OR9Q1: variants seen among roughly 807,000 people sequenced by gnomAD.
OR9Q1 encodes olfactory receptor family 9 subfamily Q member 1.
For synonymous variants in OR9Q1, 153 were observed against 148.6 expected (o/e 1.03, Z -0.22); for missense variants, 374 against 378.8 (o/e 0.99, Z 0.11).
intron 1 of OR9Q1, among the ~76,000 whole-genome samples, chr11:58,037,033 AAAAAG>A (rs1178292823): frequency 1.3e-5 from 2 of 152,178 alleles, no homozygotes; most frequent in African/African-American, 4.8e-5. Flanking sequence ...AATTTTTCAC[AAAAAG>A]AAGAGTCAAT....
intron 2 of OR9Q1, among the ~76,000 whole-genome samples, chr11:58,130,955 T>C (rs1253198784): frequency 6.6e-6 from 1 of 152,140 alleles, no homozygotes; most frequent in Non-Finnish European, 1.5e-5. Flanking sequence ...TCTATAAAAA[T>C]CTATAATCAT....
chr11:58,048,496 CAAAA>C (rs11335783), intron 1 of OR9Q1, among the ~76,000 whole-genome samples: 2 of 123,466 alleles, frequency 1.6e-5, no homozygotes, highest in African/African-American at 6.1e-5. Context: ...ACTAAAAATA[CAAAA>C]AAAAAAAAAA....
chr11:58,132,047 T>A (rs559118654), intron 2 of OR9Q1, among the ~76,000 whole-genome samples: 1 of 152,314 alleles, frequency 6.6e-6, no homozygotes, highest in African/African-American at 2.4e-5. Flanking sequence ...ATGTATCATC[T>A]TCTTCAACTT....
Position 58,089,593 on chromosome 11 carries a change from C to A in OR9Q1, c.-15+33646C>A, listed in dbSNP as rs373374175. ...TTTGAAGTCAGGCAGCATGATGCCTCCAGATTTGTTCTTTTTGCTTAGGAT... is the reference window on the plus strand; with the variant it reads ...TTTGAAGTCAGGCAGCATGATGCCTACAGATTTGTTCTTTTTGCTTAGGAT... On this transcript the variant is annotated intron_variant, in intron 2 of 2. Coordinates refer to ENST00000335397, the MANE Select transcript of OR9Q1 (RefSeq NM_001005212.4). Among the ~76,000 whole-genome samples the A allele has an allele frequency of 2.3e-3, 357 of 151,988 alleles. 15 individuals carry two copies. Among genetic ancestry groups the A allele is most frequent in the African/African-American group, 8.1e-3 (335 of 41,288 alleles).
intron 2 of OR9Q1, among the ~76,000 whole-genome samples, chr11:58,166,541 A>T (rs987495242): frequency 3.9e-5 from 6 of 152,048 alleles, no homozygotes; most frequent in African/African-American, 1.5e-4. Flanking sequence ...TATTTCCCTA[A>T]TTTTTTCCAA....
At chr11:58,063,984 T>A (rs558849398) in intron 2 of OR9Q1, among the ~76,000 whole-genome samples, 1 of 152,316 alleles carries the variant, frequency 6.6e-6, no homozygotes, top group South Asian at 2.1e-4. Flanking sequence ...TTATAAATCT[T>A]AGATGCTGTC....
chr11:58,109,854 C>T (rs1161928827), intron 2 of OR9Q1, among the ~76,000 whole-genome samples: 1 of 152,140 alleles, frequency 6.6e-6, no homozygotes, highest in Non-Finnish European at 1.5e-5. Context: ...CTGCATCCCA[C>T]CTGAAATTGG....
At chr11:58,055,381 T>C (rs1162934451) in intron 1 of OR9Q1, among the ~76,000 whole-genome samples, 2 of 152,108 alleles carry the variant, frequency 1.3e-5, no homozygotes, top group Non-Finnish European at 2.9e-5. Flanking sequence ...TTGCTATGGT[T>C]TGGATGTTTG....
chr11:58,061,701 G>A (rs1853381690), intron 2 of OR9Q1, among the ~76,000 whole-genome samples: 1 of 152,228 alleles, frequency 6.6e-6, no homozygotes, highest in Non-Finnish European at 1.5e-5. Context: ...TGGAAAACCA[G>A]AGTCGGCAAC....
chr11:58,028,003 AC>A (rs1226765684), intron 1 of OR9Q1, among the ~76,000 whole-genome samples: 1 of 150,512 alleles, frequency 6.6e-6, no homozygotes, highest in South Asian at 2.1e-4. Flanking sequence ...ATGCTGGGGC[AC>A]CTGCTCTGTA....
chr11:58,031,255 C>T (rs905032292), intron 1 of OR9Q1: 11 of 1,614,122 alleles, frequency 6.8e-6, no homozygotes, highest in Middle Eastern at 1.6e-4. Context: ...ATGCTGATTG[C>T]CTATCCCAGC....
intron 2 of OR9Q1, among the ~76,000 whole-genome samples, chr11:58,163,407 C>G (rs1426478566): frequency 6.6e-6 from 1 of 152,198 alleles, no homozygotes; most frequent in East Asian, 1.9e-4. Context: ...CTGGCTCCAC[C>G]TTTGTCAAAG....
intron 2 of OR9Q1, among the ~76,000 whole-genome samples, chr11:58,137,800 G>C (rs549058780): frequency 6.6e-6 from 1 of 152,200 alleles, no homozygotes; most frequent in East Asian, 1.9e-4. Flanking sequence ...TCCTGTGTTG[G>C]GGTATTGTGA....
intron 1 of OR9Q1, among the ~76,000 whole-genome samples, chr11:58,047,028 C>T (rs757914316): frequency 3.9e-5 from 6 of 152,190 alleles, no homozygotes; most frequent in Non-Finnish European, 7.3e-5. Flanking sequence ...TCAGTAGTAT[C>T]TCTAGGTATC....
intron 2 of OR9Q1, among the ~76,000 whole-genome samples, chr11:58,114,797 T>C (rs557613440): frequency 6.6e-6 from 1 of 152,286 alleles, no homozygotes; most frequent in African/African-American, 2.4e-5. Flanking sequence ...GTGTTGTATG[T>C]CTTGCTTGAG....
intron 2 of OR9Q1, among the ~76,000 whole-genome samples, chr11:58,115,486 C>T (rs1853944180): frequency 1.3e-5 from 2 of 152,098 alleles, no homozygotes; most frequent in African/African-American, 2.4e-5. Flanking sequence ...TGATGTTGTA[C>T]ACCACAGGTG....
chr11:58,061,776 AT>A (rs1431126903), intron 2 of OR9Q1, among the ~76,000 whole-genome samples: 2 of 152,194 alleles, frequency 1.3e-5, no homozygotes, highest in African/African-American at 4.8e-5. Context: ...GCTCCCTTGG[AT>A]TTTTAGCAAG....
intron 2 of OR9Q1, among the ~76,000 whole-genome samples, chr11:58,142,911 AGAG>A (rs1025639694): frequency 2.0e-5 from 3 of 152,168 alleles, no homozygotes; most frequent in African/African-American, 4.8e-5. Context: ...CTTTGGAATA[AGAG>A]GAGAACTTGG....
At chr11:58,066,244 A>T (rs1472796027) in intron 2 of OR9Q1, among the ~76,000 whole-genome samples, 1 of 152,144 alleles carries the variant, frequency 6.6e-6, no homozygotes, top group African/African-American at 2.4e-5. Flanking sequence ...CGCAGCCCGG[A>T]TGAACATATC....
Sources: allele counts gnomAD v4.1 joint callset (sites outside exome capture counted in the v4.1 genomes callset), GRCh38; gene constraint gnomAD v4.1.1; transcripts MANE v1.5; gene names NCBI Gene and HGNC (gene_info 2026-07-23, HGNC 2026-07-21).